PSIP1: variants seen among roughly 807,000 people sequenced by gnomAD.
PSIP1 encodes the protein PC4 and SRSF1 interacting protein 1, also known as PC4 and SFRS1-interacting protein.
In PSIP1, 19 loss-of-function variants were observed where a neutral mutation model predicts 74.7. The observed-to-expected ratio is 0.25, with a 90% CI of 0.18 to 0.37. PSIP1 has a LOEUF of 0.37. Ranked by LOEUF, PSIP1 falls within the 10% of genes least tolerant of loss-of-function variation. The pLI, the probability that PSIP1 is intolerant of heterozygous loss-of-function variation, is 1.00. For synonymous variants in PSIP1, 222 were observed against 195.3 expected (o/e 1.14, Z -1.14); for missense variants, 601 against 614.3 (o/e 0.98, Z 0.23).
chr9:15,505,501 A>G (rs1463620471), intron 3 of PSIP1: 7 of 152,152 alleles, frequency 4.6e-5, no homozygotes, highest in Admixed American at 4.6e-4. Context: ...TTCTGGATCC[A>G]AAGTTGTATT....
chr9:15,502,694 AG>A (rs1313241647), intron 3 of PSIP1, among the ~76,000 whole-genome samples: 3 of 152,266 alleles, frequency 2.0e-5, no homozygotes, highest in Non-Finnish European at 4.4e-5. Flanking sequence ...GACTAGATGT[AG>A]AAAGGAAGGG....
intron 10 of PSIP1, chr9:15,470,793 G>A (rs2035790786): frequency 2.0e-6 from 2 of 1,006,986 alleles, no homozygotes; most frequent in East Asian, 6.2e-5. Context: ...CCATTCTCAG[G>A]GATATAACTG....
At chr9:15,510,357 G>A (rs2037805695) in intron 1 of PSIP1, 28 bp from the exon 2 acceptor site, 1 of 191,488 alleles carries the variant, frequency 5.2e-6, no homozygotes, top group South Asian at 6.9e-5. Context: ...GGCGGTTAAA[G>A]CGAAGAACCC....
intron 6 of PSIP1, among the ~76,000 whole-genome samples, chr9:15,484,696 C>T (rs2036482641): frequency 6.6e-6 from 1 of 151,860 alleles, no homozygotes; most frequent in African/African-American, 2.4e-5. Context: ...CACTGCACTT[C>T]AGCTGGGGCA....
At chr9:15,466,025 G>C (rs752713371) in intron 15 of PSIP1, 2 of 155,132 alleles carry the variant, frequency 1.3e-5, no homozygotes, top group Admixed American at 1.3e-4. Context: ...CAGATACACA[G>C]TGGAACAAAG....
intron 10 of PSIP1, chr9:15,470,799 A>G (rs986820859): frequency 2.0e-6 from 2 of 1,013,336 alleles, no homozygotes; most frequent in Admixed American, 1.1e-4. Context: ...TCAGGGATAT[A>G]ACTGCTATTC....
intron 3 of PSIP1, among the ~76,000 whole-genome samples, chr9:15,501,333 C>T (rs537787013): frequency 2.0e-5 from 3 of 148,152 alleles, no homozygotes; most frequent in Admixed American, 6.8e-5. Flanking sequence ...TTAATGATGA[C>T]AAGATAGACA....
intron 8 of PSIP1, 95 bp from the exon 9 acceptor site, chr9:15,474,332 T>A: frequency 1.9e-6 from 2 of 1,046,490 alleles, no homozygotes; most frequent in Non-Finnish European, 2.7e-6. Flanking sequence ...AAGGCAAATC[T>A]AAAACAAAGT....
intron 4 of PSIP1, 86 bp from the exon 5 acceptor site, chr9:15,487,017 G>A: frequency 1.2e-6 from 1 of 816,788 alleles, no homozygotes; most frequent in Non-Finnish European, 1.8e-6. Context: ...TTTTTTTTTA[G>A]AGACAGGGTC....
chr9:15,496,285 CTATG>C (rs1563892282), intron 3 of PSIP1, among the ~76,000 whole-genome samples: 1 of 152,170 alleles, frequency 6.6e-6, no homozygotes, highest in Non-Finnish European at 1.5e-5. Flanking sequence ...CCTACAGGAA[CTATG>C]TAAAGCTAAG....
chr9:15,476,406 T>C (rs944235839), intron 8 of PSIP1, among the ~76,000 whole-genome samples: 2 of 152,122 alleles, frequency 1.3e-5, no homozygotes, highest in African/African-American at 4.8e-5. Flanking sequence ...ACTTGTGGCT[T>C]TGGGTGAAGA....
intron 8 of PSIP1, among the ~76,000 whole-genome samples, chr9:15,477,249 G>T (rs1353386485): frequency 6.6e-6 from 1 of 152,050 alleles, no homozygotes; most frequent in Admixed American, 6.6e-5. Context: ...TGTGTTTATG[G>T]TGTGCAACAC....
rs2035748667 is a variant in PSIP1, at chr9:15,469,404, A to G, written c.1034-68T>C. Reference sequence around the variant, plus strand: ...AAACCAGTATTTCTATATACAGGCTAAGTATAATGAATTAGTGGACTTAAA... The same window carrying G: ...AAACCAGTATTTCTATATACAGGCTGAGTATAATGAATTAGTGGACTTAAA... On this transcript the variant is annotated intron_variant, in intron 11 of 15. Coordinates refer to ENST00000380733, the MANE Select transcript of PSIP1 (RefSeq NM_033222.5). The G allele has an allele frequency of 3.2e-6, 3 of 944,934 alleles. No homozygotes were observed. The South Asian group carries it at 5.1e-5, about 16-fold the overall frequency. 58.5% of individuals were successfully genotyped at this position (944,934 alleles called of 1,614,324 possible).
chr9:15,510,290 C>A lies in PSIP1; in HGVS notation c.-102G>T. 1 of 916,130 alleles carries A rather than the reference C, an allele frequency of 1.1e-6. No individual in the cohort carries two copies. The highest frequency in any genetic ancestry group is 1.5e-6 in the Non-Finnish European group (1 of 645,706). 56.8% of individuals were successfully genotyped at this position (916,130 alleles called of 1,614,324 possible). ...GACGCGGGCCCAGCTACCGGGCCCGCGGGCGGGGGAGGATGCCTCGGGGCG... is the reference window on the plus strand; with the variant it reads ...GACGCGGGCCCAGCTACCGGGCCCGAGGGCGGGGGAGGATGCCTCGGGGCG... On this transcript the variant is annotated 5_prime_UTR_variant, in exon 2 of 16. Coordinates refer to ENST00000380733, the MANE Select transcript of PSIP1 (RefSeq NM_033222.5).
At chr9:15,472,312 C>A (rs894417078) in intron 10 of PSIP1, 1 of 1,049,912 alleles carries the variant, frequency 9.5e-7, no homozygotes, top group Non-Finnish European at 1.1e-6. Flanking sequence ...GCCCCTCTAT[C>A]TATATGTATT....
At chr9:15,504,774 C>G (rs1401802834) in intron 3 of PSIP1, among the ~76,000 whole-genome samples, 1 of 150,630 alleles carries the variant, frequency 6.6e-6, no homozygotes, top group Non-Finnish European at 1.5e-5. Context: ...CCATTTCAGA[C>G]AAAAATCAGA....
intron 4 of PSIP1, among the ~76,000 whole-genome samples, chr9:15,488,836 A>C (rs1321774530): frequency 6.6e-6 from 1 of 152,122 alleles, no homozygotes; most frequent in East Asian, 1.9e-4. Context: ...CCTGGCTAAC[A>C]CGGTGAAACC....
chr9:15,507,643 A>G (rs1337338565), intron 2 of PSIP1, among the ~76,000 whole-genome samples: 1 of 151,680 alleles, frequency 6.6e-6, no homozygotes, highest in East Asian at 1.9e-4. Flanking sequence ...GTCTTTAAAA[A>G]AAACAAAAAA....
chr9:15,487,064 T>C, intron 4 of PSIP1, 133 bp from the exon 5 acceptor site: 4 of 501,728 alleles, frequency 8.0e-6, no homozygotes, highest in Non-Finnish European at 1.3e-5. Flanking sequence ...GTGGCGCAAT[T>C]ATGGTTCACT....
Sources: allele counts gnomAD v4.1 joint callset (sites outside exome capture counted in the v4.1 genomes callset), GRCh38; gene constraint gnomAD v4.1.1; transcripts MANE v1.5; gene names NCBI Gene and HGNC (gene_info 2026-07-23, HGNC 2026-07-21).